Variants in RBFOX3 observed in about 807,000 individuals in gnomAD.
The protein encoded by RBFOX3 is RNA binding fox-1 homolog 3.
Under a neutral mutation model 48.7 loss-of-function variants are expected in RBFOX3, and 17 were observed. The ratio of observed to expected loss-of-function variants is 0.35; its 90% confidence interval spans 0.24 to 0.52. RBFOX3 has a LOEUF of 0.52. Ranked by LOEUF, RBFOX3 falls within the 20% of genes least tolerant of loss-of-function variation. RBFOX3 has a pLI of 0.94. For missense variants in RBFOX3, 382 were observed against 497.5 expected, an observed-to-expected ratio of 0.77 and a Z score of 2.21; for synonymous variants, 212 against 209.5, an observed-to-expected ratio of 1.01 and a Z score of -0.10.
intron 1 of RBFOX3, among the ~76,000 whole-genome samples, chr17:79,539,944 A>G (rs2089431735): frequency 1.3e-5 from 2 of 152,208 alleles, no homozygotes; most frequent in Non-Finnish European, 2.9e-5. Context: ...CCTATACAAA[A>G]AAACCTTTGT....
At chr17:79,236,455 A>AT (rs1350460880) in intron 3 of RBFOX3, among the ~76,000 whole-genome samples, 1 of 151,910 alleles carries the variant, frequency 6.6e-6, no homozygotes, top group African/African-American at 2.4e-5. Flanking sequence ...CGCCCAGCTA[A>AT]TTTTTTGTAT....
the RBFOX3 span, among the ~76,000 whole-genome samples, chr17:79,618,296 C>T: frequency 2.0e-5 from 3 of 152,210 alleles, no homozygotes; most frequent in Non-Finnish European, 2.9e-5. Flanking sequence ...CGCCGCAGTC[C>T]ACTCAGGGGC....
intron 1 of RBFOX3, among the ~76,000 whole-genome samples, chr17:79,565,026 C>T (rs1195799394): frequency 2.5e-5 from 3 of 119,162 alleles, no homozygotes; most frequent in East Asian, 5.2e-4. Flanking sequence ...GGCAACAGAG[C>T]GAGACTCTGT....
chr17:79,587,306 G>C (rs2093280492), intron 1 of RBFOX3, among the ~76,000 whole-genome samples: 1 of 152,230 alleles, frequency 6.6e-6, no homozygotes, highest in African/African-American at 2.4e-5. Context: ...AGGGGCAGCA[G>C]TGGTGCCCAC....
chr17:79,581,989 A>T (rs999618334), intron 1 of RBFOX3, among the ~76,000 whole-genome samples: 39 of 113,092 alleles, frequency 3.4e-4, no homozygotes, highest in Middle Eastern at 8.3e-3. Context: ...TGTGTATGCA[A>T]GCACGTGCCT....
chr17:79,429,122 T>C (rs1365538457), intron 2 of RBFOX3, among the ~76,000 whole-genome samples: 1 of 152,222 alleles, frequency 6.6e-6, no homozygotes, highest in Non-Finnish European at 1.5e-5. Context: ...GTCCACGTGC[T>C]GTGCACACGT....
At chr17:79,583,477 G>A (rs1046234646) in intron 1 of RBFOX3, among the ~76,000 whole-genome samples, 3 of 152,174 alleles carry the variant, frequency 2.0e-5, no homozygotes, top group Non-Finnish European at 2.9e-5. Context: ...GCATGTGGGG[G>A]TATAAGAACA....
At chr17:79,381,848 G>A (rs1318861307) in intron 2 of RBFOX3, among the ~76,000 whole-genome samples, 4 of 152,206 alleles carry the variant, frequency 2.6e-5, no homozygotes, top group African/African-American at 9.7e-5. Context: ...CCAGGAGGAG[G>A]TTATTTGGAA....
At chr17:79,121,777 G>C (rs2147186436) in intron 4 of RBFOX3, among the ~76,000 whole-genome samples, 2 of 152,190 alleles carry the variant, frequency 1.3e-5, no homozygotes, top group South Asian at 4.2e-4. Context: ...GGGCCCCAAA[G>C]CTCAGAACTC....
At chr17:79,161,258 C>T (rs751386482) in intron 4 of RBFOX3, among the ~76,000 whole-genome samples, 5 of 152,036 alleles carry the variant, frequency 3.3e-5, no homozygotes, top group Non-Finnish European at 7.4e-5. Flanking sequence ...AGGAAGGGGC[C>T]GGCACGAGTC....
chr17:79,520,485 G>A (rs1038173813), intron 1 of RBFOX3, among the ~76,000 whole-genome samples: 9 of 152,148 alleles, frequency 5.9e-5, no homozygotes, highest in Admixed American at 4.6e-4. Context: ...CACAGGATGC[G>A]CATTAAAACC....
At chr17:79,492,816 C>G (rs2080883723) in intron 1 of RBFOX3, among the ~76,000 whole-genome samples, 1 of 152,238 alleles carries the variant, frequency 6.6e-6, no homozygotes, top group East Asian at 1.9e-4. Context: ...AGGATGAGAG[C>G]AGATTACAGA....
intron 1 of RBFOX3, among the ~76,000 whole-genome samples, chr17:79,549,376 C>A (rs374589779): frequency 2.0e-4 from 31 of 152,348 alleles, no homozygotes; most frequent in African/African-American, 7.0e-4. Context: ...GAGCAGATGG[C>A]CTCCCTTTTT....
intron 2 of RBFOX3, among the ~76,000 whole-genome samples, chr17:79,434,788 C>T (rs1484777581): frequency 6.6e-6 from 1 of 152,120 alleles, no homozygotes; most frequent in Non-Finnish European, 1.5e-5. Flanking sequence ...CTGTGTTTTA[C>T]TCAGGTTCAT....
rs936663189 is a variant in RBFOX3 at position 79,102,284 on chromosome 17, T to C, written c.508-640A>G. Among the ~76,000 whole-genome samples the C allele has an allele frequency of 5.9e-5, 9 of 152,272 alleles. No individual in the cohort carries two copies. The South Asian group carries it at 1.7e-3, about 28-fold the overall frequency. On this transcript the variant is annotated intron_variant, in intron 8 of 14. Transcript: ENST00000693108. ...GGCATGTGTGGGAGGGAGTCGAGAA[T>C]AGCAGGGGTGATGGGTCCCAGGAAG... is the stretch of plus-strand genomic sequence containing the variant.
intron 1 of RBFOX3, among the ~76,000 whole-genome samples, chr17:79,491,799 G>T (rs1485299754): frequency 2.6e-5 from 4 of 152,134 alleles, no homozygotes; most frequent in Non-Finnish European, 4.4e-5. Context: ...ATGGCACAAG[G>T]CCGGGCATGG....
chr17:79,122,156 C>A (rs1362225794), intron 4 of RBFOX3, among the ~76,000 whole-genome samples: 1 of 152,124 alleles, frequency 6.6e-6, no homozygotes, highest in African/African-American at 2.4e-5. Flanking sequence ...CACAAACAGT[C>A]CAGTAGCAAA....
chr17:79,411,183 A>G (rs995286308), intron 2 of RBFOX3, among the ~76,000 whole-genome samples: 1 of 152,070 alleles, frequency 6.6e-6, no homozygotes, highest in Non-Finnish European at 1.5e-5. Flanking sequence ...AAATGTTCCC[A>G]GGACTTTCTG....
intron 11 of RBFOX3, 138 bp from the exon 12 acceptor site, chr17:79,096,971 G>A (rs534035443): frequency 1.3e-5 from 8 of 598,754 alleles, no homozygotes; most frequent in African/African-American, 5.6e-5. Flanking sequence ...AGACCCCAGG[G>A]AATGGGAGCA....
Sources: gnomAD v4.1 joint callset for allele counts (sites outside exome capture counted in the v4.1 genomes callset) on GRCh38, gnomAD v4.1.1 for gene constraint, MANE v1.5 for transcripts, NCBI Gene and HGNC (gene_info 2026-07-23, HGNC 2026-07-21) for gene names.